The following GRID2 variants were observed in gnomAD, a reference collection of about 807,000 sequenced individuals.
GRID2 encodes the protein glutamate receptor ionotropic, delta-2.
A neutral mutation model predicts 114.8 loss-of-function variants in GRID2; 33 were observed. The observed-to-expected ratio is 0.29, with a 90% CI of 0.22 to 0.38. The LOEUF is 0.38. GRID2 is among the 10% of genes least tolerant of loss of function. The pLI, the probability that GRID2 is intolerant of heterozygous loss-of-function variation, is 1.00. For missense variants in GRID2, 1,184 were observed against 1,257.7 expected, an observed-to-expected ratio of 0.94 and a Z score of 0.89; for synonymous variants, 505 against 449.9, an observed-to-expected ratio of 1.12 and a Z score of -1.55.
intron 1 of GRID2, among the ~76,000 whole-genome samples, chr4:92,464,015 T>A (rs1721624730): frequency 6.6e-6 from 1 of 151,994 alleles, no homozygotes; most frequent in Non-Finnish European, 1.5e-5. Context: ...CCTTTTAATA[T>A]GCTAAGTCAC....
chr4:93,589,039 T>G (rs13143071), intron 13 of GRID2, among the ~76,000 whole-genome samples: 28,751 of 151,670 alleles, frequency 0.19, 3,177 homozygotes, highest in Middle Eastern at 0.33. Context: ...TGCTTTTTTT[T>G]TTATTATTTA....
intron 8 of GRID2, among the ~76,000 whole-genome samples, chr4:93,387,052 G>A (rs1764386864): frequency 6.6e-6 from 1 of 152,164 alleles, no homozygotes; most frequent in Non-Finnish European, 1.5e-5. Flanking sequence ...CCCAGGCAAA[G>A]CCTTTGTATT....
intron 11 of GRID2, among the ~76,000 whole-genome samples, chr4:93,481,811 A>G (rs1725898265): frequency 6.6e-6 from 1 of 151,964 alleles, no homozygotes; most frequent in Admixed American, 6.6e-5. Flanking sequence ...AAGTGTTTCT[A>G]GGAGGGTGGA....
rs541342177 is a variant in GRID2 at position 93,277,849 on chromosome 4, A to C, written c.1245+39359A>C. ...ATTTATAGTGTTTTCAAAGGAAGGA[A>C]TGAATGAATGAACAGAGGGAACACG... is the stretch of plus-strand genomic sequence containing the variant. On this transcript the variant is annotated intron_variant, in intron 8 of 15. Coordinates refer to ENST00000282020, the MANE Select transcript of GRID2 (RefSeq NM_001510.4). Among the ~76,000 whole-genome samples the C allele has an allele frequency of 3.9e-5, 6 of 152,104 alleles. No homozygotes were observed. The East Asian group carries it at 1.2e-3, about 29-fold the overall frequency.
intron 14 of GRID2, among the ~76,000 whole-genome samples, chr4:93,766,692 T>C (rs903847584): frequency 1.3e-5 from 2 of 152,184 alleles, no homozygotes; most frequent in Admixed American, 1.3e-4. Flanking sequence ...AAAAGAATTA[T>C]TTGTTCAAAG....
At chr4:92,980,350 T>C (rs867671284) in intron 2 of GRID2, among the ~76,000 whole-genome samples, 10 of 152,128 alleles carry the variant, frequency 6.6e-5, no homozygotes, top group South Asian at 4.1e-4. Context: ...TTAATTAATT[T>C]ATTTGTATAA....
At chr4:93,720,878 C>T (rs988561503) in intron 14 of GRID2, among the ~76,000 whole-genome samples, 2 of 152,148 alleles carry the variant, frequency 1.3e-5, no homozygotes, top group Non-Finnish European at 2.9e-5. Context: ...CAGAGCATAG[C>T]AAGAACAACA....
chr4:92,785,394 A>G (rs958260025), intron 2 of GRID2, among the ~76,000 whole-genome samples: 15 of 151,342 alleles, frequency 9.9e-5, no homozygotes, highest in African/African-American at 3.6e-4. Context: ...AAATAAATAT[A>G]TATTAAATAT....
chr4:92,314,966 A>G (rs1034213615), intron 1 of GRID2, among the ~76,000 whole-genome samples: 3 of 152,128 alleles, frequency 2.0e-5, no homozygotes, highest in Non-Finnish European at 4.4e-5. Flanking sequence ...ATTTCCTTTT[A>G]TGGATCTTTT....
intron 2 of GRID2, among the ~76,000 whole-genome samples, chr4:92,639,992 G>A (rs996269911): frequency 2.6e-5 from 4 of 151,532 alleles, no homozygotes; most frequent in African/African-American, 7.3e-5. Context: ...CAGACACTTC[G>A]GCTGAAATGC....
intron 8 of GRID2, among the ~76,000 whole-genome samples, chr4:93,248,116 C>T (rs1009932839): frequency 1.1e-4 from 16 of 152,098 alleles, no homozygotes; most frequent in Non-Finnish European, 2.4e-4. Flanking sequence ...AGTGAAGCTC[C>T]AGTCCAGCTC....
chr4:93,229,728 A>T (rs1455323913), intron 7 of GRID2, among the ~76,000 whole-genome samples: 1 of 152,186 alleles, frequency 6.6e-6, no homozygotes, highest in East Asian at 1.9e-4. Flanking sequence ...TTCTATTCTT[A>T]TTATGGGGAA....
intron 1 of GRID2, among the ~76,000 whole-genome samples, chr4:92,573,902 G>A (rs1257837268): frequency 6.6e-6 from 1 of 151,860 alleles, no homozygotes; most frequent in Non-Finnish European, 1.5e-5. Context: ...TATTTTCAGT[G>A]GGGTGTGAAA....
intron 4 of GRID2, among the ~76,000 whole-genome samples, chr4:93,160,652 A>G (rs1737606672): frequency 6.6e-6 from 1 of 151,798 alleles, no homozygotes; most frequent in Non-Finnish European, 1.5e-5. Context: ...CGCTGTCTAC[A>G]ATTAGGACAC....
At chr4:92,391,997 CTTCT>C (rs1180821346) in intron 1 of GRID2, among the ~76,000 whole-genome samples, 2 of 152,098 alleles carry the variant, frequency 1.3e-5, no homozygotes, top group Admixed American at 1.3e-4. Flanking sequence ...CTTTGTCTTC[CTTCT>C]GTTTTTGAAA....
At chr4:92,799,192 C>G (rs1433708086) in intron 2 of GRID2, among the ~76,000 whole-genome samples, 1 of 152,004 alleles carries the variant, frequency 6.6e-6, no homozygotes, top group East Asian at 2.0e-4. Context: ...GAGACAGTGA[C>G]AGATCACCCG....
chr4:92,306,107 A>T (rs191628576), intron 1 of GRID2, among the ~76,000 whole-genome samples: 1,622 of 152,284 alleles, frequency 0.011, 24 homozygotes, highest in Non-Finnish European at 0.014. Flanking sequence ...CAAGCGAGGG[A>T]TTTCTGTCTA....
intron 4 of GRID2, among the ~76,000 whole-genome samples, chr4:93,176,523 G>T (rs1437510793): frequency 6.6e-6 from 1 of 152,124 alleles, no homozygotes; most frequent in Non-Finnish European, 1.5e-5. Context: ...ATGGCCAATT[G>T]TCTACAGTAG....
intron 10 of GRID2, among the ~76,000 whole-genome samples, chr4:93,423,336 C>CTTTTTTTTTTTTTTTTT (rs554663844): frequency 1.9e-4 from 14 of 73,570 alleles, no homozygotes; most frequent in African/African-American, 6.3e-4. Flanking sequence ...TTTTTTCTTT[C>CTTTTTTTTTTTTTTTTT]TTTTTTTTTT....
Sources: gnomAD v4.1 joint callset for allele counts (sites outside exome capture counted in the v4.1 genomes callset) on GRCh38, gnomAD v4.1.1 for gene constraint, MANE v1.5 for transcripts, NCBI Gene and HGNC (gene_info 2026-07-23, HGNC 2026-07-21) for gene names.